GRAMD2B: variants seen among roughly 807,000 people sequenced by gnomAD.
GRAMD2B encodes the protein GRAM domain containing 2B.
GRAMD2B carries 41 observed loss-of-function variants against 59.2 expected under a neutral mutation model. That is an observed-to-expected ratio of 0.69 (90% confidence interval 0.54 to 0.90). The LOEUF is 0.90. GRAMD2B is among the 40% of genes least tolerant of loss of function. GRAMD2B has a pLI of 0.00. For synonymous variants in GRAMD2B, 161 were observed against 182.7 expected, an observed-to-expected ratio of 0.88 and a Z score of 0.96; for missense variants, 424 against 500.5, an observed-to-expected ratio of 0.85 and a Z score of 1.46.
chr5:126,471,783 CCATGG>C (rs1769634234), intron 3 of GRAMD2B, among the ~76,000 whole-genome samples: 1 of 152,166 alleles, frequency 6.6e-6, no homozygotes, highest in Non-Finnish European at 1.5e-5. Context: ...AGTGACTAAG[CCATGG>C]TCACACAACA....
At chr5:126,394,118 CA>C (rs201162119) in intron 1 of GRAMD2B, among the ~76,000 whole-genome samples, 25,074 of 151,562 alleles carry the variant, frequency 0.17, 2,693 homozygotes, top group East Asian at 0.37. Context: ...ACTAAAAATA[CA>C]AAAAAATTAG....
At chr5:126,408,490 TG>T (rs1272992056) in intron 1 of GRAMD2B, among the ~76,000 whole-genome samples, 4 of 151,780 alleles carry the variant, frequency 2.6e-5, no homozygotes, top group African/African-American at 9.7e-5. Flanking sequence ...TGAGTCAAAA[TG>T]GTAGTTCTGT....
chr5:126,485,216 T>C (rs1241892466), intron 10 of GRAMD2B, among the ~76,000 whole-genome samples: 2 of 151,978 alleles, frequency 1.3e-5, no homozygotes, highest in African/African-American at 2.4e-5. Flanking sequence ...CAGCTGGGTG[T>C]GGTACATGTT....
intron 1 of GRAMD2B, among the ~76,000 whole-genome samples, chr5:126,440,981 T>C (rs1305050287): frequency 1.3e-5 from 2 of 152,184 alleles, no homozygotes; most frequent in Non-Finnish European, 1.5e-5. Flanking sequence ...CATGTCTATT[T>C]ATTGAAATAG....
At chr5:126,376,411 C>G (rs1755188097) in intron 1 of GRAMD2B, among the ~76,000 whole-genome samples, 1 of 152,190 alleles carries the variant, frequency 6.6e-6, no homozygotes, top group South Asian at 2.1e-4. Flanking sequence ...TTTAGTGGCT[C>G]CAATGCATCT....
chr5:126,469,726 T>C lies in GRAMD2B; in HGVS notation c.253T>C (p.Cys85Arg). The C allele has an allele frequency of 1.2e-6, 2 of 1,614,054 alleles. No homozygotes were observed. Among genetic ancestry groups the C allele is most frequent in the Non-Finnish European group, 1.7e-6 (2 of 1,179,936 alleles). Reference protein sequence around the residue: ...GASLASDKNDCKTESKNDPKT... With the variant: ...GASLASDKNDRKTESKNDPKT... ...CTCTTTAGCAAGTGATAAGAACGAC[T>C]GTAAAACAGAAAGCAAAAATGACCC... Residue 85 changes from cysteine to arginine, a missense_variant, in exon 3 of 14, where the codon TGT (cysteine) becomes CGT (arginine). Coordinates refer to ENST00000285689, the MANE Select transcript of GRAMD2B (RefSeq NM_023927.4).
upstream of GRAMD2B, among the ~76,000 whole-genome samples, chr5:126,422,906 C>T (rs1384871262): frequency 1.4e-5 from 2 of 147,478 alleles, no homozygotes; most frequent in Admixed American, 1.3e-4. Flanking sequence ...CTTCTTTGCC[C>T]CTCTAACCAC....
intron 1 of GRAMD2B, among the ~76,000 whole-genome samples, chr5:126,415,984 T>C (rs1408904137): frequency 6.6e-6 from 1 of 152,178 alleles, no homozygotes; most frequent in Non-Finnish European, 1.5e-5. Context: ...TCAAAACATT[T>C]CACACGAAGA....
At chr5:126,385,457 T>C (rs1756039994) in intron 1 of GRAMD2B, among the ~76,000 whole-genome samples, 1 of 152,246 alleles carries the variant, frequency 6.6e-6, no homozygotes, top group Admixed American at 6.5e-5. Flanking sequence ...TGTTTAAAAA[T>C]TAATTATGGT....
rs1479822903 is a variant in GRAMD2B, at chr5:126,493,005, G to A, written c.*49G>A. Reference sequence around the variant, plus strand: ...GGAATACCTCATGTTTCCCTTTGAAGAAGGTGCTTCCTGAGGCGTTTTGTT... The same window carrying A: ...GGAATACCTCATGTTTCCCTTTGAAAAAGGTGCTTCCTGAGGCGTTTTGTT... On this transcript the variant is annotated 3_prime_UTR_variant, in exon 14 of 14. Coordinates refer to ENST00000285689, the MANE Select transcript of GRAMD2B (RefSeq NM_023927.4). 3 of 1,524,836 alleles carry A rather than the reference G, an allele frequency of 2.0e-6. No homozygotes were observed. The highest frequency in any genetic ancestry group is 2.7e-6 in the Non-Finnish European group (3 of 1,100,214). 94.5% of individuals were successfully genotyped at this position (1,524,836 alleles called of 1,614,324 possible).
At chr5:126,434,935 TA>T (rs1241280375) in intron 1 of GRAMD2B, among the ~76,000 whole-genome samples, 1 of 152,246 alleles carries the variant, frequency 6.6e-6, no homozygotes, top group African/African-American at 2.4e-5. Flanking sequence ...TGGACAAGCA[TA>T]TTCTCCTGTT....
intron 1 of GRAMD2B, among the ~76,000 whole-genome samples, chr5:126,398,762 C>A (rs1757579853): frequency 6.6e-6 from 1 of 152,044 alleles, no homozygotes; most frequent in African/African-American, 2.4e-5. Context: ...TTTAGAACTG[C>A]TTTTTCTGTA....
At chr5:126,467,232 G>C (rs1295213012) in intron 2 of GRAMD2B, among the ~76,000 whole-genome samples, 1 of 152,038 alleles carries the variant, frequency 6.6e-6, no homozygotes, top group Non-Finnish European at 1.5e-5. Context: ...CCGAGATTGT[G>C]CCACTCCAGC....
At chr5:126,479,624 G>A (rs1771336520) in intron 6 of GRAMD2B, among the ~76,000 whole-genome samples, 1 of 152,104 alleles carries the variant, frequency 6.6e-6, no homozygotes, top group South Asian at 2.1e-4. Flanking sequence ...CTTAGTAAGT[G>A]TAAGAGCCAG....
chr5:126,393,635 A>T (rs557527504), intron 1 of GRAMD2B, among the ~76,000 whole-genome samples: 1 of 152,300 alleles, frequency 6.6e-6, no homozygotes, highest in East Asian at 1.9e-4. Context: ...GTCAACCTGG[A>T]AGCAAGACAC....
chr5:126,395,851 G>A (rs1176896608), intron 1 of GRAMD2B, among the ~76,000 whole-genome samples: 1 of 152,098 alleles, frequency 6.6e-6, no homozygotes, highest in Non-Finnish European at 1.5e-5. Context: ...TATGTATAAG[G>A]TGTATGATGT....
intron 1 of GRAMD2B, among the ~76,000 whole-genome samples, chr5:126,394,547 T>C (rs1016429030): frequency 1.2e-4 from 19 of 152,314 alleles, no homozygotes; most frequent in Non-Finnish European, 2.5e-4. Context: ...CTTTGATTGA[T>C]TCATTCAATA....
At chr5:126,395,608 G>T (rs1442017829) in intron 1 of GRAMD2B, among the ~76,000 whole-genome samples, 4 of 152,028 alleles carry the variant, frequency 2.6e-5, no homozygotes, top group Non-Finnish European at 5.9e-5. Flanking sequence ...TTGCTAAGAT[G>T]AATCCAAAAA....
In GRAMD2B at chr5:126,423,465, G is replaced by C. The variant is rs982156097; in HGVS notation, c.-142G>C. 1 of 1,437,756 alleles carries C rather than the reference G, an allele frequency of 7.0e-7. No homozygotes were observed. Among genetic ancestry groups the C allele is most frequent in the East Asian group, 2.9e-5 (1 of 34,238 alleles). The allele number at this position is 1,437,756 out of a possible 1,614,324, so 89.1% of individuals were successfully genotyped here. ...CGGCCCCGGGAGCTTGGCGCGGCCC[G>C]GCCTGGATGCGCTGGGCGGAGGGTG... On this transcript the variant is annotated 5_prime_UTR_variant, in exon 1 of 14. Transcript: ENST00000285689.
Sources: allele counts gnomAD v4.1 joint callset (sites outside exome capture counted in the v4.1 genomes callset), GRCh38; gene constraint gnomAD v4.1.1; transcripts MANE v1.5; gene names NCBI Gene and HGNC (gene_info 2026-07-23, HGNC 2026-07-21).